CDHR4: variants seen among roughly 807,000 people sequenced by gnomAD.
CDHR4 encodes cadherin-related family member 4.
In CDHR4, 89 loss-of-function variants were observed where a neutral mutation model predicts 88.4. The ratio of observed to expected loss-of-function variants is 1.01; its 90% CI spans 0.85 to 1.20. The LOEUF is 1.20. Among genes scored for constraint, CDHR4 ranks in the 50% most tolerant of loss-of-function variants. CDHR4 has a pLI of 0.00. For missense variants in CDHR4, 914 were observed against 1,007.2 expected (o/e 0.91, Z 1.25); for synonymous variants, 368 against 399.2 (o/e 0.92, Z 0.93).
In CDHR4 at chr3:49,790,900, GGAGA is replaced by G. The variant is rs1170059488; in HGVS notation, c.2312-17_2312-14del. 1 of 1,548,450 alleles carries G rather than the reference GGAGA, an allele frequency of 6.5e-7. No individual in the cohort carries two copies. The highest frequency in any genetic ancestry group is 2.4e-5 in the East Asian group (1 of 40,904). On this transcript the variant is annotated splice_polypyrimidine_tract_variant and intron_variant, in intron 18 of 18. Transcript: ENST00000412678. ...TCTCTTCCGGTACCTAAAACCGGTA[GGAGA>G]GAGAGGAGAGCAGGGGGTGCTGCTG...
upstream of CDHR4, among the ~76,000 whole-genome samples, chr3:49,802,785 G>A (rs561692864): frequency 8.8e-3 from 1,339 of 152,308 alleles, 17 homozygotes; most frequent in African/African-American, 0.031. Flanking sequence ...AGGCCCCGCC[G>A]GTGCGCTGCC....
At chr3:49,802,418 G>C (rs2081374127), upstream of CDHR4, among the ~76,000 whole-genome samples, 1 of 151,956 alleles carries the variant, frequency 6.6e-6, no homozygotes, top group South Asian at 2.1e-4. Flanking sequence ...CTCGTGATCC[G>C]CCCGCCTCGG....
At chr3:49,798,485 G>C in intron 4 of CDHR4, 1 of 325,006 alleles carries the variant, frequency 3.1e-6, no homozygotes, top group Non-Finnish European at 5.6e-6. Flanking sequence ...CTACTCGGGA[G>C]GCTGAGGCAG....
intron 17 of CDHR4, 70 bp downstream of exon 17, chr3:49,791,644 C>G (rs1395716835): frequency 1.3e-6 from 2 of 1,520,956 alleles, no homozygotes; most frequent in Non-Finnish European, 1.8e-6. Flanking sequence ...GGAAAAAAGG[C>G]TTGGAGGGGG....
At position 49,798,743 on chromosome 3, in the gene CDHR4, T is replaced by C. The variant is rs763165417; in HGVS notation, c.495+83A>G. The C allele has an allele frequency of 1.1e-5, 15 of 1,342,978 alleles. No homozygotes were observed. The Admixed American group carries it at 1.2e-4, about 11-fold the overall frequency. 83.2% of individuals were successfully genotyped at this position (1,342,978 alleles called of 1,614,324 possible). On this transcript the variant is annotated intron_variant, in intron 4 of 18. Transcript: ENST00000412678. ...TGCTGCAAGGTTCCTCTTCAGGCTG[T>C]GCCTGGCCAGGTGGGGGTTAATTTA...
upstream of CDHR4, among the ~76,000 whole-genome samples, chr3:49,800,008 A>AT (rs1348708220): frequency 6.6e-6 from 1 of 152,054 alleles, no homozygotes; most frequent in Non-Finnish European, 1.5e-5. Context: ...AGAATATCCC[A>AT]TTTTCCATTG....
Position 49,799,853 on chromosome 3 carries a change from G to C in CDHR4, c.-41C>G. The C allele has an allele frequency of 6.2e-7, 1 of 1,611,594 alleles. No homozygotes were observed. The highest frequency in any genetic ancestry group is 8.5e-7 in the Non-Finnish European group (1 of 1,178,046). ...CAGACAGCAGAGGAGGCTTCAGAAA[G>C]CTAGGCTGTTTGTCTGACTCACCCT... On this transcript the variant is annotated 5_prime_UTR_variant, in exon 1 of 19. Transcript: ENST00000412678.
At chr3:49,790,924 C>T (rs1300212975) in intron 18 of CDHR4, 37 bp from the exon 19 acceptor site, 12 of 1,507,328 alleles carry the variant, frequency 8.0e-6, no homozygotes, top group Non-Finnish European at 9.0e-7. Flanking sequence ...GCAGGGGGTG[C>T]TGCTGGCCCC....
In CDHR4 at chr3:49,793,063, TC is replaced by T; in HGVS notation, c.1785del (p.Asn596ThrfsTer31). The T allele has an allele frequency of 1.3e-6, 2 of 1,551,412 alleles. No homozygotes were observed. The highest frequency in any genetic ancestry group is 1.7e-6 in the Non-Finnish European group (2 of 1,146,982). ...ATGGCCCCTTGCAGGATGAATCGGTTCTGGCTATTCCCTGAAAGCAGAATGA... is the reference window on the plus strand; with the variant it reads ...ATGGCCCCTTGCAGGATGAATCGGTTTGGCTATTCCCTGAAAGCAGAATGA... The part of the protein sequence containing the change: ...YSYSIVGGNS[Q>X]NRFILQGAIL... On this transcript the variant is annotated frameshift_variant, in exon 14 of 19. Coordinates refer to ENST00000412678, the MANE Select transcript of CDHR4 (RefSeq NM_001007540.4). LOFTEE classifies it high-confidence loss of function.
At chr3:49,792,274 T>A (rs2081190674) in intron 15 of CDHR4, among the ~76,000 whole-genome samples, 194 bp downstream of exon 15, 1 of 152,200 alleles carries the variant, frequency 6.6e-6, no homozygotes, top group Non-Finnish European at 1.5e-5. Context: ...CTGCCGGTGA[T>A]GGAAGTTGCT....
At position 49,799,065 on chromosome 3, in the gene CDHR4, T is replaced by C. The variant is rs776718635; in HGVS notation, c.332A>G (p.Glu111Gly). The change falls in exon 3 of 19, where the codon GAG becomes GGG. Residue 111 changes from glutamate (E) to glycine (G), a missense_variant. By Grantham distance (98) the Glu-to-Gly change is moderately conservative (BLOSUM62 -2). Coordinates refer to ENST00000412678, the MANE Select transcript of CDHR4 (RefSeq NM_001007540.4). The stretch of plus-strand genomic sequence containing the variant: ...CTGCACATCCACAGAGAGTGAGCCC[T>C]CCATCACATGGTTGCCACATGTGAA... ...LKFTCGNHVM[E>G]GSLSVDVQRD... is the part of the protein sequence containing the mutation. 6.3e-7 allele frequency: 1 copy of C among 1,588,614 alleles called. No individual in the cohort carries two copies. Among genetic ancestry groups the C allele is most frequent in the African/African-American group, 1.3e-5 (1 of 74,496 alleles).
chr3:49,797,000 G>C lies in CDHR4; in HGVS notation c.528C>G (p.His176Gln). ...MSIISAQDLPHFPGPFSINEQ... is the reference protein window; with the variant it reads ...MSIISAQDLPQFPGPFSINEQ... ...CATTGATGGAGAAAGGTCCAGGGAA[G>C]TGTGGCAGGTCCTGGGCACTGATAA... Residue 176 changes from histidine (H) to glutamine (Q), a missense_variant, in exon 5 of 19, where the codon CAC becomes CAG. By Grantham distance (24) the His-to-Gln change is conservative. Transcript: ENST00000412678. 1 of 1,551,728 alleles carries C rather than the reference G, an allele frequency of 6.4e-7. No individual in the cohort carries two copies. Among genetic ancestry groups the C allele is most frequent in the South Asian group, 1.2e-5 (1 of 84,068 alleles).
At chr3:49,791,879 T>C (rs1478654191) in intron 16 of CDHR4, 24 bp downstream of exon 16, 14 of 1,551,558 alleles carry the variant, frequency 9.0e-6, no homozygotes, top group South Asian at 1.2e-5. Flanking sequence ...ATCCCAGGCA[T>C]AGAAGTATGC....
chr3:49,802,910 C>G (rs2081381995), upstream of CDHR4, among the ~76,000 whole-genome samples: 1 of 152,268 alleles, frequency 6.6e-6, no homozygotes, highest in Non-Finnish European at 1.5e-5. Flanking sequence ...CCCCGAGGGT[C>G]CACAACCTCT....
Position 49,793,086 on chromosome 3 carries a change from A to G in CDHR4, c.1775-12T>C, listed in dbSNP as rs1204898678. 6.4e-7 allele frequency: 1 copy of G among 1,551,322 alleles called. No individual in the cohort carries two copies. The highest frequency in any genetic ancestry group is 8.7e-7 in the Non-Finnish European group (1 of 1,146,882). On this transcript the variant is annotated splice_polypyrimidine_tract_variant and intron_variant, in intron 13 of 18. Transcript: ENST00000412678. ...GTTCTGGCTATTCCCTGAAAGCAGA[A>G]TGACAGGAGGAAGAGACCATTGCTG...
Position 49,795,829 on chromosome 3 carries a change from T to C in CDHR4, c.711-65A>G, listed in dbSNP as rs2081263344. ...CTCAACCTGTGGGTCCACAGCTTCC[T>C]TCCCTGGGCCCCCTCCTGTCAGGGC... On this transcript the variant is annotated intron_variant, in intron 6 of 18. Transcript: ENST00000412678. The surrounding 1 kb of genome is among the most constrained non-coding windows in gnomAD (Gnocchi z 5.4). 1.3e-6 allele frequency: 2 copies of C among 1,541,374 alleles called. No individual in the cohort carries two copies. The highest frequency in any genetic ancestry group is 1.2e-5 in the South Asian group (1 of 82,480).
chr3:49,799,347 T>C lies in CDHR4; in HGVS notation c.140A>G (p.Tyr47Cys). 2 of 1,613,378 alleles carry C rather than the reference T, an allele frequency of 1.2e-6. No individual in the cohort carries two copies. The highest frequency in any genetic ancestry group is 1.7e-6 in the Non-Finnish European group (2 of 1,179,680). Reference sequence around the variant, plus strand: ...CAACTCCAGGGTGGGTGTGGGCGTGTAGGAGGAGCAGTTGAAGGATAAAAA... The same window carrying C: ...CAACTCCAGGGTGGGTGTGGGCGTGCAGGAGGAGCAGTTGAAGGATAAAAA... ...LQFLSFNCSS[Y>C]TPTPTLELLN... Residue 47 changes from tyrosine to cysteine, a missense_variant, in exon 2 of 19, where the codon TAC becomes TGC. Tyr to Cys is a radical substitution (Grantham distance 194). Coordinates refer to ENST00000412678, the MANE Select transcript of CDHR4 (RefSeq NM_001007540.4).
upstream of CDHR4, among the ~76,000 whole-genome samples, chr3:49,800,945 G>C (rs117215018): frequency 1.3e-3 from 198 of 151,240 alleles, 4 homozygotes; most frequent in East Asian, 0.035. Flanking sequence ...CCAGTTACTT[G>C]AGAGGCTGAG....
In CDHR4 at chr3:49,795,264, C is replaced by G; in HGVS notation, c.963G>C (p.Lys321Asn). 1 of 1,551,686 alleles carries G rather than the reference C, an allele frequency of 6.4e-7. No individual in the cohort carries two copies. Among genetic ancestry groups the G allele is most frequent in the Non-Finnish European group, 8.7e-7 (1 of 1,146,992 alleles). The change falls in exon 8 of 19, where the codon AAG becomes AAC. Residue 321 changes from lysine (K) to asparagine (N), a missense_variant. Transcript: ENST00000412678. The surrounding 1 kb of genome is among the most constrained non-coding windows in gnomAD (Gnocchi z 5.4). ...GCTGCACATTCATGGTGAGATTGAG[C>G]TTGGCACTGGCCCACAGCTGGCCCT... ...FEQGQLWASAKLNLTMNVQLV... is the reference protein window; with the variant it reads ...FEQGQLWASANLNLTMNVQLV...
Sources: gnomAD v4.1 joint callset for allele counts (sites outside exome capture counted in the v4.1 genomes callset) on GRCh38, gnomAD v4.1.1 for gene constraint, Gnocchi (gnomAD v3.1) non-coding constraint, MANE v1.5 for transcripts, NCBI Gene and HGNC (gene_info 2026-07-23, HGNC 2026-07-21) for gene names.